STPG2: variants seen among roughly 807,000 people sequenced by gnomAD.
STPG2 encodes sperm-tail PG-rich repeat-containing protein 2.
A neutral mutation model predicts 54.2 loss-of-function variants in STPG2; 56 were observed. That is an observed-to-expected ratio of 1.03 (90% confidence interval 0.83 to 1.29). The LOEUF (loss-of-function observed/expected upper bound fraction) is 1.29, where lower values mean the gene tolerates loss of function less well. Among genes scored for constraint, STPG2 ranks in the 50% most tolerant of loss-of-function variants. STPG2 has a pLI of 0.00. For synonymous variants in STPG2, 200 were observed against 181.8 expected (o/e 1.10, Z -0.81); for missense variants, 596 against 544.9 (o/e 1.09, Z -0.93).
chr4:97,721,805 G>C (rs1724457783), intron 9 of STPG2, among the ~76,000 whole-genome samples: 1 of 151,948 alleles, frequency 6.6e-6, no homozygotes, highest in Non-Finnish European at 1.5e-5. Flanking sequence ...ATCAGAAACT[G>C]TAAAACCTAA....
chr4:97,931,245 C>T (rs964058457), intron 8 of STPG2, among the ~76,000 whole-genome samples: 3 of 152,178 alleles, frequency 2.0e-5, no homozygotes, highest in African/African-American at 7.2e-5. Flanking sequence ...TGAGAGAAAG[C>T]TTCCTTGTCT....
chr4:98,118,658 G>T (rs1197681110), intron 3 of STPG2, among the ~76,000 whole-genome samples: 1 of 152,136 alleles, frequency 6.6e-6, no homozygotes, highest in African/African-American at 2.4e-5. Flanking sequence ...ATCTTACTTT[G>T]AAATACATTC....
chr4:98,009,007 TTTTA>T (rs1458815370), intron 5 of STPG2, among the ~76,000 whole-genome samples: 1 of 152,084 alleles, frequency 6.6e-6, no homozygotes, highest in Admixed American at 6.6e-5. Context: ...TCATTTATAA[TTTTA>T]TTTGAGTACA....
intron 8 of STPG2, among the ~76,000 whole-genome samples, chr4:97,912,516 A>C (rs914881327): frequency 4.6e-5 from 7 of 152,210 alleles, no homozygotes; most frequent in Non-Finnish European, 8.8e-5. Context: ...AAACTTCACG[A>C]TGCACTCACA....
intron 9 of STPG2, among the ~76,000 whole-genome samples, chr4:97,713,331 G>A (rs1724191536): frequency 6.6e-6 from 1 of 152,148 alleles, no homozygotes; most frequent in Admixed American, 6.5e-5. Context: ...AAGGATTTTT[G>A]TACTTAAGCC....
intron 8 of STPG2, among the ~76,000 whole-genome samples, chr4:97,913,325 C>G (rs1731751335): frequency 6.6e-6 from 1 of 152,138 alleles, no homozygotes; most frequent in Non-Finnish European, 1.5e-5. Context: ...TTTTCCAATA[C>G]TTACATGCTG....
chr4:97,948,045 C>CT (rs1461874313), intron 7 of STPG2, among the ~76,000 whole-genome samples: 3 of 148,376 alleles, frequency 2.0e-5, no homozygotes, highest in Admixed American at 2.0e-4. Flanking sequence ...GGGCTTTTTT[C>CT]TTTGTTGTCA....
intron 4 of STPG2, among the ~76,000 whole-genome samples, chr4:97,511,239 C>T (rs6837008): frequency 0.65 from 98,177 of 151,454 alleles, 35,308 homozygotes; most frequent in Non-Finnish European, 0.81. Flanking sequence ...TATGAAGACA[C>T]AGAAAAGTGA....
At chr4:97,569,821 TA>T (rs974204727) in intron 10 of STPG2, among the ~76,000 whole-genome samples, 21 of 152,104 alleles carry the variant, frequency 1.4e-4, no homozygotes, top group African/African-American at 5.1e-4. Flanking sequence ...AGTATCTCCC[TA>T]TAAATTATTA....
At chr4:98,037,773 A>G (rs1736820751) in intron 5 of STPG2, among the ~76,000 whole-genome samples, 1 of 152,126 alleles carries the variant, frequency 6.6e-6, no homozygotes, top group Non-Finnish European at 1.5e-5. Context: ...CAAAATACAT[A>G]AATCAACATT....
intron 5 of STPG2, among the ~76,000 whole-genome samples, chr4:98,044,615 C>T (rs1283462361): frequency 6.6e-6 from 1 of 152,140 alleles, no homozygotes; most frequent in Non-Finnish European, 1.5e-5. Context: ...CTCAACCATG[C>T]CGCCAGTCCA....
At chr4:97,900,127 T>A (rs1017879870) in intron 8 of STPG2, among the ~76,000 whole-genome samples, 1 of 152,068 alleles carries the variant, frequency 6.6e-6, no homozygotes, top group African/African-American at 2.4e-5. Flanking sequence ...ACAGATACTT[T>A]TCAAAAGAAG....
Position 97,630,024 on chromosome 4 carries a change from G to A in STPG2, c.1321-70907C>T, listed in dbSNP as rs1469980080. ...ATTAAATAAATTAACAATTATCCAT[G>A]TATTAAGCACCAGCTGTTAGGTTTA... On this transcript the variant is annotated intron_variant, in intron 10 of 10. Coordinates refer to ENST00000295268, the MANE Select transcript of STPG2 (RefSeq NM_174952.3). Among the ~76,000 whole-genome samples the A allele has an allele frequency of 4.7e-4, 72 of 151,892 alleles. 1 individual carries two copies.
At chr4:97,674,166 GTA>G (rs1722774985) in intron 10 of STPG2, among the ~76,000 whole-genome samples, 1 of 152,198 alleles carries the variant, frequency 6.6e-6, no homozygotes, top group Admixed American at 6.5e-5. Flanking sequence ...CTGTGCAAGT[GTA>G]TGTGTGGTCC....
chr4:97,804,347 C>T (rs922502606), intron 9 of STPG2, among the ~76,000 whole-genome samples: 3 of 151,972 alleles, frequency 2.0e-5, no homozygotes, highest in African/African-American at 7.3e-5. Context: ...ATTCCTGTTG[C>T]CTAGTGACAT....
intron 9 of STPG2, among the ~76,000 whole-genome samples, chr4:97,720,251 T>C (rs1375210868): frequency 6.6e-6 from 1 of 151,936 alleles, no homozygotes. Context: ...TCTTTTGTAA[T>C]AGAAATTAAA....
intron 8 of STPG2, among the ~76,000 whole-genome samples, chr4:97,904,583 A>G (rs1273091055): frequency 6.6e-6 from 1 of 152,240 alleles, no homozygotes; most frequent in Admixed American, 6.5e-5. Flanking sequence ...GTTCCTCACC[A>G]GCAACGGAAC....
At chr4:97,710,120 A>AT (rs11435050) in intron 10 of STPG2, among the ~76,000 whole-genome samples, 89,252 of 151,590 alleles carry the variant, frequency 0.59, 26,601 homozygotes, top group South Asian at 0.68. Flanking sequence ...TTGTATGCAC[A>AT]TTTTTTATGA....
intron 10 of STPG2, among the ~76,000 whole-genome samples, chr4:97,565,409 C>T (rs1231771120): frequency 6.6e-6 from 1 of 152,118 alleles, no homozygotes; most frequent in African/African-American, 2.4e-5. Flanking sequence ...GTAGTTTGAT[C>T]ATCTGAAGCC....
Sources: gnomAD v4.1 joint callset for allele counts (sites outside exome capture counted in the v4.1 genomes callset) on GRCh38, gnomAD v4.1.1 for gene constraint, MANE v1.5 for transcripts, NCBI Gene and HGNC (gene_info 2026-07-23, HGNC 2026-07-21) for gene names.